GRIA3: variants seen among roughly 807,000 people sequenced by gnomAD.
GRIA3 encodes the protein glutamate ionotropic receptor AMPA type subunit 3.
Under a neutral mutation model 63.0 loss-of-function variants are expected in GRIA3, and 3 were observed. The observed-to-expected ratio is 0.05, with a 90% CI of 0.02 to 0.12. The LOEUF (loss-of-function observed/expected upper bound fraction) is 0.12. GRIA3 is among the 10% of genes least tolerant of loss of function. GRIA3 has a pLI of 1.00. For synonymous variants in GRIA3, 274 were observed against 257.9 expected (o/e 1.06, Z -0.60); for missense variants, 347 against 700.9 (o/e 0.50, Z 5.70).
intron 15 of GRIA3, among the ~76,000 whole-genome samples, chrX:123,485,576 T>C (rs2045935886): frequency 9.0e-6 from 1 of 111,558 alleles, no homozygotes; most frequent in Non-Finnish European, 1.9e-5. Flanking sequence ...GTTCCACTTG[T>C]CCACAAAAAA....
chrX:123,192,364 G>A (rs1461595995), intron 2 of GRIA3, among the ~76,000 whole-genome samples: 2 of 111,584 alleles, frequency 1.8e-5, no homozygotes, highest in Non-Finnish European at 3.8e-5. Flanking sequence ...TATCTCTCCA[G>A]CTGTAAGTTT....
Position 123,184,321 on chromosome X carries a change from A to T in GRIA3, c.-215A>T. The stretch of plus-strand genomic sequence containing the variant: ...GAGCGAGAGAGAGCGAGCGAATAAG[A>T]GAGAGAGTAAGAGGGAGAGAGAAGA... On this transcript the variant is annotated 5_prime_UTR_variant, in exon 1 of 16. Coordinates refer to ENST00000620443, the MANE Select transcript of GRIA3 (RefSeq NM_007325.5). 1 of 433,590 alleles carries T rather than the reference A, an allele frequency of 2.3e-6. No individual in the cohort carries two copies. Among genetic ancestry groups the T allele is most frequent in the Non-Finnish European group, 4.1e-6 (1 of 246,717 alleles). 35.7% of individuals were successfully genotyped at this position (433,590 alleles called of 1,213,427 possible).
At chrX:123,454,813 T>C (rs2045752930) in intron 12 of GRIA3, among the ~76,000 whole-genome samples, 1 of 112,038 alleles carries the variant, frequency 8.9e-6, no homozygotes, top group Non-Finnish European at 1.9e-5. Context: ...CAAAGTCACA[T>C]GGCCACTGGC....
At chrX:123,437,101 A>G (rs1479830128) in intron 12 of GRIA3, among the ~76,000 whole-genome samples, 3 of 108,445 alleles carry the variant, frequency 2.8e-5, no homozygotes, top group African/African-American at 1.0e-4. Context: ...TTTTTTCCCC[A>G]AAAGCCTACT....
Position 123,490,191 on chromosome X carries a change from C to T in GRIA3, c.*1481C>T, listed in dbSNP as rs1034220763. On this transcript the variant is annotated 3_prime_UTR_variant, in exon 16 of 16. Transcript: ENST00000620443. Reference sequence around the variant, plus strand: ...ACTGCAAAAACTAGGAGCTCGCATTCATTTCCCAAGTGTGACCCTTAGATG... The same window carrying T: ...ACTGCAAAAACTAGGAGCTCGCATTTATTTCCCAAGTGTGACCCTTAGATG... The T allele has an allele frequency of 1.8e-5, 2 of 112,881 alleles. No homozygotes were observed. Among genetic ancestry groups the T allele is most frequent in the Non-Finnish European group, 3.8e-5 (2 of 53,320 alleles). 9.3% of individuals were successfully genotyped at this position (112,881 alleles called of 1,213,427 possible). A position where few individuals can be genotyped will look rare whatever the true frequency, so the allele number is the denominator to read the frequency against.
chrX:123,478,202 C>T (rs1324809659), intron 13 of GRIA3, among the ~76,000 whole-genome samples: 1 of 111,834 alleles, frequency 8.9e-6, no homozygotes, highest in African/African-American at 3.2e-5. Context: ...GAGGAGAAGA[C>T]AGTGCCAACA....
intron 2 of GRIA3, among the ~76,000 whole-genome samples, chrX:123,246,859 T>C (rs1369163422): frequency 1.1e-5 from 1 of 90,734 alleles, no homozygotes; most frequent in Non-Finnish European, 2.2e-5. Flanking sequence ...AGAAATTATA[T>C]AGAGAAAAGT....
intron 2 of GRIA3, among the ~76,000 whole-genome samples, chrX:123,230,243 T>G (rs894071939): frequency 1.8e-5 from 2 of 111,885 alleles, no homozygotes; most frequent in Non-Finnish European, 1.9e-5. Context: ...GAAAGCTTAT[T>G]GCAATACTCC....
Position 123,214,101 on chromosome X carries a change from T to C in GRIA3, c.268+28111T>C, listed in dbSNP as rs1264650365. Among the ~76,000 whole-genome samples, 12 of 112,561 alleles carry C rather than the reference T, an allele frequency of 1.1e-4. No homozygotes were observed. In the Admixed American group the frequency reaches 1.1e-3, roughly 11 times the overall value. On this transcript the variant is annotated intron_variant, in intron 2 of 15. Transcript: ENST00000620443. ...TTTAATAAGTATCCCAGATCACTTA[T>C]ATGCACAGTAAAGTGTGAGAATCAC...
chrX:123,246,971 TCCA>T (rs2044363019), intron 2 of GRIA3, among the ~76,000 whole-genome samples: 1 of 110,376 alleles, frequency 9.1e-6, no homozygotes, highest in Non-Finnish European at 1.9e-5. Context: ...CACTGGTAAC[TCCA>T]CCAATTACTA....
intron 2 of GRIA3, among the ~76,000 whole-genome samples, chrX:123,191,495 T>C (rs1476491743): frequency 3.6e-5 from 4 of 111,591 alleles, no homozygotes; most frequent in Non-Finnish European, 5.7e-5. Flanking sequence ...CCAAAAAGGG[T>C]CAGTCCTTGA....
chrX:123,350,334 A>T (rs2045085754), intron 4 of GRIA3, among the ~76,000 whole-genome samples: 1 of 110,928 alleles, frequency 9.0e-6, no homozygotes, highest in Non-Finnish European at 1.9e-5. Context: ...AAACAAGGAG[A>T]TACTTAGGTC....
rs112434512 is a variant in GRIA3 at position 123,282,294 on chromosome X, C to T, written c.508+28752C>T. The stretch of plus-strand genomic sequence containing the variant: ...TGATCTGTAGTATTATACGGACTAC[C>T]CTGTGTCCCCCTCCTCTTTCCCTTC... On this transcript the variant is annotated intron_variant, in intron 3 of 15. Coordinates refer to ENST00000620443, the MANE Select transcript of GRIA3 (RefSeq NM_007325.5). Among the ~76,000 whole-genome samples the T allele has an allele frequency of 3.1e-3, 347 of 112,016 alleles. 2 individuals are homozygous for T. The highest frequency in any genetic ancestry group is 0.011 in the African/African-American group (330 of 30,854).
At chrX:123,269,253 G>A (rs913773449) in intron 3 of GRIA3, among the ~76,000 whole-genome samples, 1 of 112,295 alleles carries the variant, frequency 8.9e-6, no homozygotes, top group African/African-American at 3.2e-5. Flanking sequence ...TAGGCTCTGT[G>A]TTGTGTGGCT....
chrX:123,323,178 A>C (rs2147330830), intron 3 of GRIA3, among the ~76,000 whole-genome samples: 1 of 112,379 alleles, frequency 8.9e-6, no homozygotes, highest in Admixed American at 9.4e-5. Context: ...AGTTCTTGGT[A>C]ATCCTACATC....
At chrX:123,267,737 T>C (rs1437398514) in intron 3 of GRIA3, among the ~76,000 whole-genome samples, 1 of 112,042 alleles carries the variant, frequency 8.9e-6, no homozygotes, top group Non-Finnish European at 1.9e-5. Context: ...GGCATTTCTG[T>C]GAGCATAAAA....
intron 5 of GRIA3, among the ~76,000 whole-genome samples, chrX:123,362,727 AGAG>A (rs1291003922): frequency 4.1e-4 from 38 of 93,668 alleles, no homozygotes; most frequent in African/African-American, 9.6e-4. Flanking sequence ...AAAAAAAAAA[AGAG>A]AGAGAGAGAG....
intron 4 of GRIA3, among the ~76,000 whole-genome samples, chrX:123,345,114 A>C (rs139024388): frequency 4.5e-5 from 5 of 111,221 alleles, no homozygotes; most frequent in African/African-American, 1.6e-4. Flanking sequence ...TATGTTCCTT[A>C]GTGCTATCTC....
chrX:123,410,281 C>T (rs913415787), intron 10 of GRIA3, among the ~76,000 whole-genome samples: 15 of 111,807 alleles, frequency 1.3e-4, no homozygotes, highest in Admixed American at 1.3e-3. Flanking sequence ...CAGTGGGCAA[C>T]TGCCATGTTC....
Sources: allele counts gnomAD v4.1 joint callset (sites outside exome capture counted in the v4.1 genomes callset), GRCh38; gene constraint gnomAD v4.1.1; transcripts MANE v1.5; gene names NCBI Gene and HGNC (gene_info 2026-07-23, HGNC 2026-07-21).